Variants in WIPI2 observed in about 807,000 individuals in gnomAD.
WIPI2 encodes the protein WD repeat domain, phosphoinositide interacting 2.
A neutral mutation model predicts 52.3 loss-of-function variants in WIPI2; 28 were observed. The ratio of observed to expected loss-of-function variants is 0.54; its 90% CI spans 0.40 to 0.73. The LOEUF is 0.73. Among genes scored for constraint, WIPI2 ranks in the 30% least tolerant of loss-of-function variants. WIPI2 has a pLI of 0.00. For synonymous variants in WIPI2, 268 were observed against 245.0 expected (o/e 1.09, Z -0.88); for missense variants, 506 against 602.9 (o/e 0.84, Z 1.68).
rs771996943 is a variant in WIPI2, at chr7:5,217,173, G to A, written c.562G>A (p.Asp188Asn). 6 of 1,614,122 alleles carry A rather than the reference G, an allele frequency of 3.7e-6. No homozygotes were observed. Among genetic ancestry groups the A allele is most frequent in the East Asian group, 2.2e-5 (1 of 44,878 alleles). Residue 188 changes from aspartate (D) to asparagine (N), a missense_variant, in exon 6 of 13, where the codon GAT (aspartate) becomes AAT (asparagine). Physicochemically the swap from Asp to Asn is conservative, Grantham distance 23. Around this residue, in one of 4 missense-constraint regions of WIPI2, gnomAD observed 237 missense variants for 346.9 expected, o/e 0.68. Coordinates refer to ENST00000288828, the MANE Select transcript of WIPI2 (RefSeq NM_015610.4). Reference protein sequence around the residue: ...SATIGEVQVFDTINLRAANMI... With the variant: ...SATIGEVQVFNTINLRAANMI... ...GACCATCGGAGAGGTGCAGGTCTTCGATACCATTAATTTGGTGAGATGCCT... is the reference window on the plus strand; with the variant it reads ...GACCATCGGAGAGGTGCAGGTCTTCAATACCATTAATTTGGTGAGATGCCT...
At chr7:5,217,601 G>C (rs7800465) in intron 6 of WIPI2, 13 of 424,226 alleles carry the variant, frequency 3.1e-5, no homozygotes, top group Non-Finnish European at 5.3e-5. Context: ...CAGCCCCACT[G>C]CTCTCTTCTC....
Position 5,217,190 on chromosome 7 carries a change from G to C in WIPI2, c.576+3G>C. 6.2e-7 allele frequency: 1 copy of C among 1,614,112 alleles called. No individual in the cohort carries two copies. ...AGGTCTTCGATACCATTAATTTGGT[G>C]AGATGCCTTTCCTGCTCGAATAGCT... On this transcript the variant is annotated splice_donor_region_variant and intron_variant, in intron 6 of 12. Coordinates refer to ENST00000288828, the MANE Select transcript of WIPI2 (RefSeq NM_015610.4).
At position 5,232,373 on chromosome 7, in the gene WIPI2, C is replaced by T. The variant is rs777422819; in HGVS notation, c.*1426C>T. The T allele has an allele frequency of 1.3e-5, 5 of 398,420 alleles. No individual in the cohort carries two copies. The highest frequency in any genetic ancestry group is 1.3e-4 in the South Asian group (1 of 7,778). 24.7% of individuals were successfully genotyped at this position (398,420 alleles called of 1,614,324 possible). A position where few individuals can be genotyped will look rare whatever the true frequency, so the allele number is the denominator to read the frequency against. On this transcript the variant is annotated 3_prime_UTR_variant, in exon 13 of 13. Coordinates refer to ENST00000288828, the MANE Select transcript of WIPI2 (RefSeq NM_015610.4). ...CCCCAGTGTTCCTGGGTTGGCTTTA[C>T]GGCAAACTAAATGCAGGGGACGCTG...
chr7:5,230,961 CCT>C lies in WIPI2; in HGVS notation c.*17_*18del, dbSNP rs919904900. ...CGGACTGACTGAACTTGACCTGTGA[CCT>C]CTGACCCGGGGAGCAGAGAACACTG... On this transcript the variant is annotated 3_prime_UTR_variant, in exon 13 of 13. Coordinates refer to ENST00000288828, the MANE Select transcript of WIPI2 (RefSeq NM_015610.4). This position sits in a 1 kb window ranked among gnomAD's most constrained non-coding sequence, Gnocchi z 4.8. 3 of 1,604,830 alleles carry C rather than the reference CCT, an allele frequency of 1.9e-6. No homozygotes were observed. The highest frequency in any genetic ancestry group is 2.6e-6 in the Non-Finnish European group (3 of 1,174,732).
In WIPI2 at chr7:5,227,138, G is replaced by A. The variant is rs1783474769; in HGVS notation, c.849-42G>A. ...TGAGTAGGGGGTGGCCGTCCCCCCA[G>A]GGAGGGTGCAGCTTCATGTGTCTGG... is the stretch of plus-strand genomic sequence containing the variant. On this transcript the variant is annotated intron_variant, in intron 9 of 12. Transcript: ENST00000288828. The surrounding 1 kb of genome is among the most constrained non-coding windows in gnomAD (Gnocchi z 8.1). 6.2e-7 allele frequency: 1 copy of A among 1,611,464 alleles called. No homozygotes were observed. Among genetic ancestry groups the A allele is most frequent in the African/African-American group, 1.3e-5 (1 of 74,858 alleles).
chr7:5,209,491 A>G (rs1782451676), intron 3 of WIPI2, among the ~76,000 whole-genome samples: 1 of 152,170 alleles, frequency 6.6e-6, no homozygotes, highest in African/African-American at 2.4e-5. Flanking sequence ...TTAGGTTTCT[A>G]CCATGAATGA....
chr7:5,219,381 G>A (rs1164839405), intron 7 of WIPI2, among the ~76,000 whole-genome samples: 1 of 152,140 alleles, frequency 6.6e-6, no homozygotes, highest in African/African-American at 2.4e-5. Context: ...AAGTCTCACT[G>A]TTAATGTTTC....
At chr7:5,191,100 A>C (rs190156160) in intron 1 of WIPI2, among the ~76,000 whole-genome samples, 4 of 151,498 alleles carry the variant, frequency 2.6e-5, no homozygotes, top group African/African-American at 9.7e-5. Flanking sequence ...GCTCACTGCA[A>C]CCTCCGCCTC....
chr7:5,217,553 C>T (rs1782880507), intron 6 of WIPI2: 1 of 398,110 alleles, frequency 2.5e-6, no homozygotes, highest in Admixed American at 3.9e-5. Flanking sequence ...CGCCTCGGCC[C>T]CCTAAAGTGC....
chr7:5,220,533 C>T (rs907276166), intron 7 of WIPI2, among the ~76,000 whole-genome samples: 3 of 151,872 alleles, frequency 2.0e-5, no homozygotes, highest in Admixed American at 2.0e-4. Flanking sequence ...GCCACCACGC[C>T]CAGCCACTTT....
intron 11 of WIPI2, 128 bp downstream of exon 11, chr7:5,228,339 C>T (rs1783546705): frequency 2.3e-6 from 2 of 865,862 alleles, no homozygotes; most frequent in East Asian, 5.8e-5. Context: ...GCACAGCGGC[C>T]CATGCCGCGC....
In WIPI2 at chr7:5,216,551, T is replaced by C. The variant is rs1471125223; in HGVS notation, c.382-12T>C. On this transcript the variant is annotated splice_polypyrimidine_tract_variant and intron_variant, in intron 4 of 12. Coordinates refer to ENST00000288828, the MANE Select transcript of WIPI2 (RefSeq NM_015610.4). ...TTGCTTCACGTTTGGTTTCGTTTTG[T>C]CTCTCGCCTAGAGGCTGATAGTATG... The C allele has an allele frequency of 6.2e-7, 1 of 1,613,760 alleles. No individual in the cohort carries two copies. Among genetic ancestry groups the C allele is most frequent in the Non-Finnish European group, 8.5e-7 (1 of 1,179,694 alleles).
At position 5,230,827 on chromosome 7, in the gene WIPI2, C is replaced by G. The variant is rs1421611832; in HGVS notation, c.1253-8C>G. 6.2e-7 allele frequency: 1 copy of G among 1,610,342 alleles called. No individual in the cohort carries two copies. The highest frequency in any genetic ancestry group is 1.3e-5 in the African/African-American group (1 of 74,794). Reference sequence around the variant, plus strand: ...CCTTTGAAGGGTGACTTCGTCGTCTCTTTGCAGCCTACACAGACGACCTGG... The same window carrying G: ...CCTTTGAAGGGTGACTTCGTCGTCTGTTTGCAGCCTACACAGACGACCTGG... On this transcript the variant is annotated splice_region_variant and splice_polypyrimidine_tract_variant and intron_variant, in intron 12 of 12. Coordinates refer to ENST00000288828, the MANE Select transcript of WIPI2 (RefSeq NM_015610.4). The surrounding 1 kb of genome is among the most constrained non-coding windows in gnomAD (Gnocchi z 4.8).
At chr7:5,204,699 T>G (rs994051508) in intron 3 of WIPI2, among the ~76,000 whole-genome samples, 1 of 152,102 alleles carries the variant, frequency 6.6e-6, no homozygotes, top group African/African-American at 2.4e-5. Flanking sequence ...CTACTGCGTT[T>G]TTTTTTTTAA....
At position 5,233,270 on chromosome 7, in the gene WIPI2, G is replaced by A. The variant is rs547031788; in HGVS notation, c.*2323G>A. On this transcript the variant is annotated 3_prime_UTR_variant, in exon 13 of 13. Transcript: ENST00000288828. ...GCCACCAGCTCCTCTTCCTCTGCTC[G>A]AACCTATGAGTCCCAGCCTCACTGG... 6.6e-6 allele frequency: 1 copy of A among 152,228 alleles called. No homozygotes were observed. The highest frequency in any genetic ancestry group is 1.5e-5 in the Non-Finnish European group (1 of 68,112). 9.4% of individuals were successfully genotyped at this position (152,228 alleles called of 1,614,324 possible). A position where few individuals can be genotyped will look rare whatever the true frequency, so the allele number is the denominator to read the frequency against.
chr7:5,230,759 A>G lies in WIPI2; in HGVS notation c.1253-76A>G, dbSNP rs1783689214. 1 of 1,094,534 alleles carries G rather than the reference A, an allele frequency of 9.1e-7. No homozygotes were observed. The allele number at this position is 1,094,534 out of a possible 1,614,324, so 67.8% of individuals were successfully genotyped here. On this transcript the variant is annotated intron_variant, in intron 12 of 12. Transcript: ENST00000288828. The surrounding 1 kb of genome is among the most constrained non-coding windows in gnomAD (Gnocchi z 4.8). ...AAATATACACCAGTGTTTCCAAAAC[A>G]CAGTCCTCAGTGTGTGTCATGGGGT...
intron 3 of WIPI2, among the ~76,000 whole-genome samples, chr7:5,209,490 T>C (rs142064560): frequency 6.6e-6 from 1 of 152,364 alleles, no homozygotes; most frequent in East Asian, 1.9e-4. Context: ...CTTAGGTTTC[T>C]ACCATGAATG....
chr7:5,204,833 C>T (rs1036865189), intron 3 of WIPI2, among the ~76,000 whole-genome samples: 5 of 152,162 alleles, frequency 3.3e-5, no homozygotes, highest in South Asian at 2.1e-4. Flanking sequence ...AGGTGCACAC[C>T]ACCATGCCCA....
At position 5,191,068 on chromosome 7, in the gene WIPI2, G is replaced by A. The variant is rs534031631; in HGVS notation, c.74+575G>A. ...AGAGTCTTGCTCTGTTGCCCAGGCTGGAGTGCAGTGGTGCCATCTCAGCTC... is the reference window on the plus strand; with the variant it reads ...AGAGTCTTGCTCTGTTGCCCAGGCTAGAGTGCAGTGGTGCCATCTCAGCTC... On this transcript the variant is annotated intron_variant, in intron 1 of 12. Coordinates refer to ENST00000288828, the MANE Select transcript of WIPI2 (RefSeq NM_015610.4). Among the ~76,000 whole-genome samples, 1,092 of 152,176 alleles carry A rather than the reference G, an allele frequency of 7.2e-3. 7 individuals carry two copies. The highest frequency in any genetic ancestry group is 0.012 in the Non-Finnish European group (808 of 67,992).
Sources: gnomAD v4.1 joint callset for allele counts (sites outside exome capture counted in the v4.1 genomes callset) on GRCh38, gnomAD v4.1.1 for gene constraint, gnomAD v4.1.1 regional missense constraint, Gnocchi (gnomAD v3.1) non-coding constraint, MANE v1.5 for transcripts, NCBI Gene and HGNC (gene_info 2026-07-23, HGNC 2026-07-21) for gene names.